The following MCCC1 variants were observed in gnomAD, a reference collection of about 807,000 sequenced individuals.
MCCC1 encodes the protein methylcrotonyl-CoA carboxylase subunit 1, also known as methylcrotonoyl-CoA carboxylase subunit alpha, mitochondrial.
A neutral mutation model predicts 83.8 loss-of-function variants in MCCC1; 64 were observed. That is an observed-to-expected ratio of 0.76 (90% CI 0.62 to 0.94). The LOEUF (loss-of-function observed/expected upper bound fraction) is 0.94. Ranked by LOEUF, MCCC1 falls within the 40% of genes least tolerant of loss-of-function variation. The pLI is 0.00. For synonymous variants in MCCC1, 322 were observed against 315.4 expected (o/e 1.02, Z -0.22); for missense variants, 807 against 904.7 (o/e 0.89, Z 1.39).
Position 183,017,352 on chromosome 3 carries a change from T to C in MCCC1, c.1978-15A>G, listed in dbSNP as rs751918329. On this transcript the variant is annotated splice_polypyrimidine_tract_variant and intron_variant, in intron 17 of 18. Transcript: ENST00000265594. ...TTGACAAACACCTTGAGATTCAGTG[T>C]GACAGGTTAATATTTGAAAACACAG... is the stretch of plus-strand genomic sequence containing the variant. The C allele has an allele frequency of 1.2e-6, 2 of 1,613,186 alleles. No homozygotes were observed. The highest frequency in any genetic ancestry group is 1.7e-6 in the Non-Finnish European group (2 of 1,179,712).
chr3:183,050,064 G>A (rs748292060), intron 9 of MCCC1, among the ~76,000 whole-genome samples: 5 of 152,040 alleles, frequency 3.3e-5, no homozygotes, highest in Non-Finnish European at 7.4e-5. Context: ...AGGTTGCAGT[G>A]AGCATAGGCC....
intron 4 of MCCC1, among the ~76,000 whole-genome samples, chr3:183,082,893 G>A (rs1159563884): frequency 1.3e-5 from 2 of 152,048 alleles, no homozygotes. Context: ...GGGAGGCTGA[G>A]GTGGCAGGAT....
chr3:183,060,693 T>G (rs1030514941), intron 7 of MCCC1, among the ~76,000 whole-genome samples: 3 of 152,200 alleles, frequency 2.0e-5, no homozygotes, highest in Admixed American at 2.0e-4. Context: ...TCATTTACAT[T>G]AGGTATATCT....
intron 17 of MCCC1, chr3:183,017,643 C>T: frequency 2.6e-6 from 1 of 384,870 alleles, no homozygotes; most frequent in Middle Eastern, 8.2e-4. Context: ...CTGAGACCTA[C>T]AGCCCAAATG....
At chr3:183,101,772 T>C (rs1180067181), upstream of MCCC1, among the ~76,000 whole-genome samples, 1 of 152,214 alleles carries the variant, frequency 6.6e-6, no homozygotes, top group Non-Finnish European at 1.5e-5. Context: ...CTGCTCACTC[T>C]TTGGGTCCAC....
At chr3:183,027,047 C>T (rs145908676) in intron 14 of MCCC1, among the ~76,000 whole-genome samples, 1 of 152,344 alleles carries the variant, frequency 6.6e-6, no homozygotes, top group East Asian at 1.9e-4. Flanking sequence ...CTCTATGTCA[C>T]ATTTTTGTAA....
chr3:183,056,786 C>A (rs1715452349), intron 8 of MCCC1, among the ~76,000 whole-genome samples: 1 of 152,136 alleles, frequency 6.6e-6, no homozygotes, highest in South Asian at 2.1e-4. Context: ...CTCCGCCTCC[C>A]AGGTTCAAGC....
At chr3:183,087,128 T>A (rs944219170) in intron 3 of MCCC1, among the ~76,000 whole-genome samples, 6 of 152,166 alleles carry the variant, frequency 3.9e-5, no homozygotes, top group African/African-American at 1.4e-4. Context: ...AGGCCAAAAA[T>A]TTATATTTGA....
chr3:183,103,130 G>A (rs1286139480), upstream of MCCC1, among the ~76,000 whole-genome samples: 2 of 151,292 alleles, frequency 1.3e-5, no homozygotes, highest in Non-Finnish European at 3.0e-5. Flanking sequence ...TTTCCTTCTG[G>A]TGGGTTCCTG....
At chr3:183,018,228 A>G in intron 17 of MCCC1, among the ~76,000 whole-genome samples, 1 of 152,160 alleles carries the variant, frequency 6.6e-6, no homozygotes, top group Non-Finnish European at 1.5e-5. Context: ...TGGTCAAATC[A>G]GAGGCCTACA....
intron 11 of MCCC1, among the ~76,000 whole-genome samples, chr3:183,040,596 A>C (rs1434641948): frequency 6.7e-6 from 1 of 149,714 alleles, no homozygotes; most frequent in Non-Finnish European, 1.5e-5. Context: ...GGTGGTATAC[A>C]CCTGTAATCC....
At chr3:183,047,673 A>G (rs1482531123) in intron 9 of MCCC1, among the ~76,000 whole-genome samples, 1 of 152,142 alleles carries the variant, frequency 6.6e-6, no homozygotes, top group Non-Finnish European at 1.5e-5. Context: ...GAAAAAAAAA[A>G]AACCATAACC....
intron 14 of MCCC1, among the ~76,000 whole-genome samples, chr3:183,030,050 G>A (rs943623618): frequency 1.3e-5 from 2 of 152,176 alleles, no homozygotes; most frequent in Non-Finnish European, 2.9e-5. Flanking sequence ...GCTCACACCT[G>A]TAATCCCAGT....
rs1198305165 is a variant in MCCC1, at chr3:183,017,254, T to C, written c.2049+12A>G. On this transcript the variant is annotated intron_variant, in intron 18 of 18. Coordinates refer to ENST00000265594, the MANE Select transcript of MCCC1 (RefSeq NM_020166.5). ...AAAGTCCTCATAGCAAATGAACTCA[T>C]GATTTCCTTACCTCCATCTTCATGG... 2 of 1,612,880 alleles carry C rather than the reference T, an allele frequency of 1.2e-6. No homozygotes were observed. Among genetic ancestry groups the C allele is most frequent in the African/African-American group, 2.7e-5 (2 of 74,924 alleles).
At chr3:183,095,176 G>A (rs974569661) in intron 1 of MCCC1, among the ~76,000 whole-genome samples, 18 of 152,046 alleles carry the variant, frequency 1.2e-4, no homozygotes, top group Non-Finnish European at 1.8e-4. Context: ...CCAGCTACTC[G>A]GGAGGCTGAG....
rs1233685852 is a variant in MCCC1, at chr3:183,017,256, A to G, written c.2049+10T>C. On this transcript the variant is annotated intron_variant, in intron 18 of 18. Coordinates refer to ENST00000265594, the MANE Select transcript of MCCC1 (RefSeq NM_020166.5). ...AGTCCTCATAGCAAATGAACTCATG[A>G]TTTCCTTACCTCCATCTTCATGGCG... The G allele has an allele frequency of 3.1e-6, 5 of 1,613,022 alleles. No homozygotes were observed. The African/African-American group carries it at 6.7e-5, about 22-fold the overall frequency.
chr3:183,037,599 A>T (rs1260926365), intron 12 of MCCC1, among the ~76,000 whole-genome samples, 165 bp from the exon 13 acceptor site: 1 of 152,232 alleles, frequency 6.6e-6, no homozygotes, highest in Non-Finnish European at 1.5e-5. Context: ...TCAGGAAAAA[A>T]AACACAAAAA....
At chr3:183,060,858 G>A (rs772106280) in intron 7 of MCCC1, among the ~76,000 whole-genome samples, 31 of 152,108 alleles carry the variant, frequency 2.0e-4, no homozygotes, top group Non-Finnish European at 4.6e-4. Flanking sequence ...AGTTTGCTGA[G>A]AATGATGGTT....
chr3:183,051,731 G>A (rs1334690866), intron 9 of MCCC1, among the ~76,000 whole-genome samples: 3 of 149,086 alleles, frequency 2.0e-5, no homozygotes, highest in Non-Finnish European at 3.0e-5. Flanking sequence ...CTCTGGTGCA[G>A]GAATATTGAT....
Sources: gnomAD v4.1 joint callset for allele counts (sites outside exome capture counted in the v4.1 genomes callset) on GRCh38, gnomAD v4.1.1 for gene constraint, MANE v1.5 for transcripts, NCBI Gene and HGNC (gene_info 2026-07-23, HGNC 2026-07-21) for gene names.